FRMD6: variants seen among roughly 807,000 people sequenced by gnomAD.
FRMD6 encodes FERM domain containing 6.
Under a neutral mutation model 73.2 loss-of-function variants are expected in FRMD6, and 37 were observed. That is an observed-to-expected ratio of 0.51 (90% confidence interval 0.39 to 0.66). The LOEUF is 0.66. Among genes scored for constraint, FRMD6 ranks in the 30% least tolerant of loss-of-function variants. The pLI is 0.00. For synonymous variants in FRMD6, 273 were observed against 282.2 expected (o/e 0.97, Z 0.33); for missense variants, 714 against 780.5 (o/e 0.91, Z 1.02).
chr14:51,407,537 T>C, the FRMD6 span, among the ~76,000 whole-genome samples: 2 of 151,934 alleles, frequency 1.3e-5, no homozygotes, highest in East Asian at 1.9e-4. Flanking sequence ...TTTTCATGGG[T>C]ATAGAATCAT....
chr14:51,483,548 C>T, the FRMD6 span, among the ~76,000 whole-genome samples: 3 of 152,146 alleles, frequency 2.0e-5, no homozygotes, highest in Non-Finnish European at 4.4e-5. Flanking sequence ...TGGCAATGTG[C>T]AGGAACAAAA....
intron 1 of FRMD6, among the ~76,000 whole-genome samples, chr14:51,520,565 G>A (rs540786086): frequency 9.9e-5 from 15 of 152,280 alleles, no homozygotes; most frequent in African/African-American, 2.6e-4. Context: ...ATGAATATAC[G>A]AAGTGTGATA....
chr14:51,557,979 A>G (rs1209716842), intron 1 of FRMD6, among the ~76,000 whole-genome samples: 1 of 151,982 alleles, frequency 6.6e-6, no homozygotes, highest in African/African-American at 2.4e-5. Context: ...AAAAAAAAAG[A>G]CAATTGGTAA....
intron 1 of FRMD6, among the ~76,000 whole-genome samples, chr14:51,506,239 T>C (rs1883955863): frequency 6.6e-6 from 1 of 152,146 alleles, no homozygotes; most frequent in African/African-American, 2.4e-5. Flanking sequence ...AGATCTAGCA[T>C]AAATATTGCC....
chr14:51,472,010 C>G, the FRMD6 span, among the ~76,000 whole-genome samples: 870 of 152,296 alleles, frequency 5.7e-3, 7 homozygotes, highest in African/African-American at 0.02. Flanking sequence ...ATCTTAGGGG[C>G]AGACACCAGA....
chr14:51,473,129 C>A, the FRMD6 span, among the ~76,000 whole-genome samples: 1 of 152,176 alleles, frequency 6.6e-6, no homozygotes, highest in Non-Finnish European at 1.5e-5. Context: ...CCCTGCCGGT[C>A]CTGCTGCTTG....
chr14:51,504,066 AGTGGTGATATCCCCCTTACC>A (rs748606584), intron 1 of FRMD6, among the ~76,000 whole-genome samples: 20 of 152,158 alleles, frequency 1.3e-4, no homozygotes, highest in Non-Finnish European at 2.6e-4. Flanking sequence ...TCCGGGGGTC[AGTGGTGATATCCCCCTTACC>A]ATTTCTGATT....
chr14:51,476,880 C>T, the FRMD6 span, among the ~76,000 whole-genome samples: 1 of 152,140 alleles, frequency 6.6e-6, no homozygotes, highest in Non-Finnish European at 1.5e-5. Context: ...ACTATAATAG[C>T]AGAATTAAAA....
chr14:51,500,503 TGCACTCCAGCCTGGGC>T, intron 1 of FRMD6, among the ~76,000 whole-genome samples: 1 of 150,644 alleles, frequency 6.6e-6, no homozygotes, highest in South Asian at 2.1e-4. Flanking sequence ...TGGGCGACAC[TGCACTCCAGCCTGGGC>T]GACAGAGTGA....
chr14:51,482,720 A>G, the FRMD6 span, among the ~76,000 whole-genome samples: 1 of 147,994 alleles, frequency 6.8e-6, no homozygotes, highest in East Asian at 2.0e-4. Context: ...TTTGTTTTTG[A>G]GATGGAGTCT....
At chr14:51,583,122 A>G (rs1406160843) in intron 2 of FRMD6, among the ~76,000 whole-genome samples, 4 of 152,212 alleles carry the variant, frequency 2.6e-5, no homozygotes, top group Non-Finnish European at 5.9e-5. Context: ...CAACTCTTAG[A>G]ATTCATCTAC....
the FRMD6 span, among the ~76,000 whole-genome samples, chr14:51,451,876 T>C: frequency 1.3e-5 from 2 of 152,224 alleles, no homozygotes; most frequent in Admixed American, 6.5e-5. Flanking sequence ...TAAATAAATC[T>C]CTTTTCTTTA....
intron 1 of FRMD6, among the ~76,000 whole-genome samples, chr14:51,664,487 G>A (rs1893435881): frequency 6.6e-6 from 1 of 152,182 alleles, no homozygotes; most frequent in Non-Finnish European, 1.5e-5. Flanking sequence ...CTAACACATA[G>A]GCCTTTAATG....
the FRMD6 span, among the ~76,000 whole-genome samples, chr14:51,445,644 C>T: frequency 3.3e-5 from 5 of 152,092 alleles, no homozygotes; most frequent in African/African-American, 1.2e-4. Context: ...ATCAGAGACA[C>T]CTTACAATAT....
intron 1 of FRMD6, among the ~76,000 whole-genome samples, chr14:51,687,682 A>G (rs1229356185): frequency 6.6e-6 from 1 of 152,220 alleles, no homozygotes; most frequent in Non-Finnish European, 1.5e-5. Context: ...TATAGGGTAC[A>G]GTACTTTGCA....
chr14:51,696,165 AGCT>A (rs1895931647), intron 2 of FRMD6, among the ~76,000 whole-genome samples: 1 of 151,418 alleles, frequency 6.6e-6, no homozygotes, highest in Non-Finnish European at 1.5e-5. Context: ...TACACAAATA[AGCT>A]GTGAGTTGCT....
In FRMD6 at chr14:51,599,058, C is replaced by CTTTTTTTTTTTTTTTTT. The variant is rs59151771; in HGVS notation, c.-147+28659_-147+28675dup. Reference sequence around the variant, plus strand: ...TCTCAGCAGCCTTGCCAGTATCTGTCTTTTTTTTTTTTTTTTTTTTTTTTT... The same window carrying CTTTTTTTTTTTTTTTTT: ...TCTCAGCAGCCTTGCCAGTATCTGTCTTTTTTTTTTTTTTTTTTTTTTTTTTTTTTTTTTTTTTTTTT... On this transcript the variant is annotated intron_variant, in intron 2 of 14. Coordinates refer to the FRMD6 transcript ENST00000356218. 1.5e-3 allele frequency among the ~76,000 whole-genome samples: 109 copies of CTTTTTTTTTTTTTTTTT among 72,822 alleles called. 4 individuals carry two copies. Among genetic ancestry groups the CTTTTTTTTTTTTTTTTT allele is most frequent in the Non-Finnish European group, 2.1e-3 (84 of 39,966 alleles). The allele number at this position is 72,822 out of a possible 152,430, so 47.8% of individuals were successfully genotyped here. A position where few individuals can be genotyped will look rare whatever the true frequency, so the allele number is the denominator to read the frequency against.
chr14:51,625,952 G>T (rs1891098365), intron 2 of FRMD6, among the ~76,000 whole-genome samples: 1 of 152,184 alleles, frequency 6.6e-6, no homozygotes, highest in Admixed American at 6.5e-5. Context: ...AATAATCTAA[G>T]TGTAAAGCTT....
intron 1 of FRMD6, among the ~76,000 whole-genome samples, chr14:51,678,140 T>C (rs1432668478): frequency 6.6e-6 from 1 of 152,208 alleles, no homozygotes; most frequent in Non-Finnish European, 1.5e-5. Flanking sequence ...TGTACTGTTA[T>C]AATTTCCATT....
Sources: gnomAD v4.1 joint callset for allele counts (sites outside exome capture counted in the v4.1 genomes callset) on GRCh38, gnomAD v4.1.1 for gene constraint, MANE v1.5 for transcripts, NCBI Gene and HGNC (gene_info 2026-07-23, HGNC 2026-07-21) for gene names.